Variants in TFB1M observed in about 807,000 individuals in gnomAD.
TFB1M encodes the protein transcription factor B1, mitochondrial.
Under a neutral mutation model 31.1 loss-of-function variants are expected in TFB1M, and 27 were observed. The ratio of observed to expected loss-of-function variants is 0.87; its 90% confidence interval spans 0.64 to 1.20. TFB1M has a LOEUF of 1.20. Among genes scored for constraint, TFB1M ranks in the 50% most tolerant of loss-of-function variants. TFB1M has a pLI of 0.00. For missense variants in TFB1M, 394 were observed against 418.7 expected (o/e 0.94, Z 0.51); for synonymous variants, 166 against 151.8 (o/e 1.09, Z -0.69).
intron 5 of TFB1M, among the ~76,000 whole-genome samples, chr6:155,266,696 A>C (rs905564076): frequency 6.6e-6 from 1 of 151,612 alleles, no homozygotes; most frequent in African/African-American, 2.4e-5. Context: ...AAATACAAAA[A>C]ATTAGCCAGG....
At chr6:155,307,249 C>G (rs1777821791) in intron 2 of TFB1M, among the ~76,000 whole-genome samples, 1 of 152,036 alleles carries the variant, frequency 6.6e-6, no homozygotes, top group African/African-American at 2.4e-5. Flanking sequence ...CTCAACAAAG[C>G]TGTAAAACAA....
the TFB1M span, chr6:155,245,756 T>TTTTG: frequency 8.8e-7 from 1 of 1,138,784 alleles, no homozygotes. Flanking sequence ...CCTTTTATAG[T>TTTTG]TTTTTTTTTT....
chr6:155,271,063 A>C (rs1318024577), intron 5 of TFB1M, among the ~76,000 whole-genome samples: 1 of 152,240 alleles, frequency 6.6e-6, no homozygotes, highest in African/African-American at 2.4e-5. Context: ...CTCAATGCAA[A>C]ACTTAGGATT....
At chr6:155,273,263 A>G (rs1785025226) in intron 5 of TFB1M, among the ~76,000 whole-genome samples, 1 of 152,224 alleles carries the variant, frequency 6.6e-6, no homozygotes, top group Non-Finnish European at 1.5e-5. Context: ...AGGCACACTG[A>G]TGTCTACAGA....
the TFB1M span, chr6:155,244,184 T>A: frequency 8.9e-7 from 1 of 1,120,682 alleles, no homozygotes; most frequent in Admixed American, 1.9e-5. Flanking sequence ...CAAAAGAACA[T>A]CCCAAGACTT....
At chr6:155,264,382 A>C (rs1562388230) in intron 5 of TFB1M, 1 of 152,320 alleles carries the variant, frequency 6.6e-6, no homozygotes, top group East Asian at 1.9e-4. Flanking sequence ...GACAAATGTG[A>C]ATGTAGATCA....
chr6:155,305,129 T>TATATATTA (rs1452131539), intron 2 of TFB1M, among the ~76,000 whole-genome samples: 3 of 114,756 alleles, frequency 2.6e-5, no homozygotes, highest in African/African-American at 3.5e-5. Flanking sequence ...TATATATACA[T>TATATATTA]AATTATATAT....
chr6:155,255,476 G>A (rs1410025885), downstream of TFB1M: 1 of 152,042 alleles, frequency 6.6e-6, no homozygotes, highest in African/African-American at 2.4e-5. Flanking sequence ...AAATCAGTGT[G>A]ACCTCTTCAG....
chr6:155,293,786 T>C (rs1284142578), intron 4 of TFB1M, among the ~76,000 whole-genome samples: 1 of 152,204 alleles, frequency 6.6e-6, no homozygotes, highest in Non-Finnish European at 1.5e-5. Context: ...CCAATAATGG[T>C]ATATTTCCCT....
In TFB1M at chr6:155,304,051, C is replaced by T. The variant is rs370036742; in HGVS notation, c.286-5466G>A. On this transcript the variant is annotated intron_variant, in intron 2 of 6. Transcript: ENST00000367166. ...AAACCCAAAGGTTAGGAGGCCAAGG[C>T]AGGTGAATCACCTGAGTTCAGGAGT... Among the ~76,000 whole-genome samples the T allele has an allele frequency of 2.0e-4, 30 of 152,188 alleles. 1 individual carries two copies. The highest frequency in any genetic ancestry group is 6.7e-4 in the African/African-American group (28 of 41,526).
intron 2 of TFB1M, among the ~76,000 whole-genome samples, chr6:155,306,882 A>G (rs1777789851): frequency 2.0e-5 from 3 of 152,124 alleles, no homozygotes; most frequent in Admixed American, 2.0e-4. Flanking sequence ...GCATCTTGGG[A>G]GACTGAGGTG....
intron 1 of TFB1M, among the ~76,000 whole-genome samples, chr6:155,312,815 A>C (rs1202356160): frequency 6.6e-6 from 1 of 151,998 alleles, no homozygotes; most frequent in Non-Finnish European, 1.5e-5. Flanking sequence ...CAGACCTATA[A>C]CTTCTGCCCT....
intron 4 of TFB1M, among the ~76,000 whole-genome samples, chr6:155,290,522 TTA>T (rs1234125589): frequency 4.6e-5 from 7 of 152,002 alleles, no homozygotes; most frequent in Non-Finnish European, 1.0e-4. Flanking sequence ...ATTCCATAAA[TTA>T]TAGACTCTAT....
At chr6:155,236,288 G>T in the TFB1M span, among the ~76,000 whole-genome samples, 1 of 151,850 alleles carries the variant, frequency 6.6e-6, no homozygotes, top group Non-Finnish European at 1.5e-5. Flanking sequence ...AATCCAAGCA[G>T]AACGCGAGCT....
At chr6:155,246,932 T>C in the TFB1M span, among the ~76,000 whole-genome samples, 1 of 152,372 alleles carries the variant, frequency 6.6e-6, no homozygotes, top group South Asian at 2.1e-4. Flanking sequence ...CAGTGCCAAC[T>C]GGTGGAATCC....
downstream of TFB1M, chr6:155,254,808 G>A (rs9397794): frequency 0.29 from 142,080 of 485,252 alleles, 24,419 homozygotes; most frequent in East Asian, 0.65. Context: ...CCAAATGTAC[G>A]ATTTTGTTTC....
At chr6:155,263,040 G>A (rs182761670) in intron 5 of TFB1M, among the ~76,000 whole-genome samples, 23 of 152,230 alleles carry the variant, frequency 1.5e-4, no homozygotes, top group African/African-American at 4.1e-4. Flanking sequence ...AAAACTCAGC[G>A]TCAACAAAGC....
Position 155,298,488 on chromosome 6 carries a change from G to A in TFB1M, c.383C>T (p.Pro128Leu). 6.3e-7 allele frequency: 1 copy of A among 1,589,054 alleles called. No individual in the cohort carries two copies. The highest frequency in any genetic ancestry group is 2.2e-5 in the East Asian group (1 of 44,670). The change falls in exon 3 of 7, where the codon CCC becomes CTC. Residue 128 changes from proline (P) to leucine (L), a missense_variant. Around this residue, in one of 3 missense-constraint regions of TFB1M, gnomAD observed 273 missense variants for 256.4 expected, o/e 1.06. Transcript: ENST00000367166. ...CCAAAAGCACTCACCATCTTCCCAGGGTCTTTTAAGACTTTCTGAAAAAGC... is the reference window on the plus strand; with the variant it reads ...CCAAAAGCACTCACCATCTTCCCAGAGTCTTTTAAGACTTTCTGAAAAAGC... ...EKAFSESLKR[P>L]WEDDPPNVHI... is the part of the protein sequence containing the mutation.
intron 2 of TFB1M, among the ~76,000 whole-genome samples, chr6:155,301,346 A>AC (rs1167965059): frequency 6.6e-6 from 1 of 152,210 alleles, no homozygotes; most frequent in African/African-American, 2.4e-5. Context: ...TGATATTATG[A>AC]TTATAGACAG....
Sources: allele counts gnomAD v4.1 joint callset (sites outside exome capture counted in the v4.1 genomes callset), GRCh38; gene constraint gnomAD v4.1.1; regional missense constraint gnomAD v4.1.1; transcripts MANE v1.5; gene names NCBI Gene and HGNC (gene_info 2026-07-23, HGNC 2026-07-21).